The following KATNAL1 variants were observed in gnomAD, a reference collection of about 807,000 sequenced individuals.
KATNAL1 encodes katanin p60 ATPase-containing subunit A-like 1.
Under a neutral mutation model 55.2 loss-of-function variants are expected in KATNAL1, and 32 were observed. The ratio of observed to expected loss-of-function variants is 0.58; its 90% CI spans 0.44 to 0.78. The LOEUF is 0.78. KATNAL1 is among the 30% of genes least tolerant of loss of function. The pLI is 0.00. For missense variants in KATNAL1, 466 were observed against 600.9 expected, an observed-to-expected ratio of 0.78 and a Z score of 2.35; for synonymous variants, 193 against 193.6, an observed-to-expected ratio of 1.00 and a Z score of 0.02.
intron 10 of KATNAL1, 61 bp from the exon 11 acceptor site, chr13:30,208,799 T>C (rs533116058): frequency 2.7e-6 from 3 of 1,110,238 alleles, no homozygotes; most frequent in Non-Finnish European, 3.8e-6. Flanking sequence ...CACTTTCAAT[T>C]GTAACAAAGT....
At chr13:30,270,280 C>T (rs1352898548) in intron 3 of KATNAL1, among the ~76,000 whole-genome samples, 9 of 149,752 alleles carry the variant, frequency 6.0e-5, no homozygotes, top group Non-Finnish European at 9.0e-5. Flanking sequence ...CGGCCAGCCA[C>T]CCCGTCCAGG....
chr13:30,217,249 G>A lies in KATNAL1; in HGVS notation c.1148-6807C>T, dbSNP rs549692120. ...GGGAGGATCATGAGGTCAGGAGATC[G>A]AGACCATCCCGGCTAACACGGTGAA... On this transcript the variant is annotated intron_variant, in intron 9 of 10. Coordinates refer to ENST00000380615, the MANE Select transcript of KATNAL1 (RefSeq NM_032116.5). Among the ~76,000 whole-genome samples, 145 of 152,190 alleles carry A rather than the reference G, an allele frequency of 9.5e-4. 1 individual carries two copies. The highest frequency in any genetic ancestry group is 3.4e-3 in the Middle Eastern group (1 of 294).
chr13:30,208,568 T>C lies in KATNAL1; in HGVS notation c.1445A>G (p.Lys482Arg). 1 of 1,599,994 alleles carries C rather than the reference T, an allele frequency of 6.3e-7. No homozygotes were observed. Among genetic ancestry groups the C allele is most frequent in the Non-Finnish European group, 8.5e-7 (1 of 1,171,878 alleles). ...AGCAGATCCAAATTCAACCATCCATTTTTCATACTTCTCCAAGTCTGCAGC... is the reference window on the plus strand; with the variant it reads ...AGCAGATCCAAATTCAACCATCCATCTTTCATACTTCTCCAAGTCTGCAGC... The part of the protein sequence containing the change: ...VSAADLEKYE[K>R]WMVEFGSA Residue 482 changes from lysine (K) to arginine (R), a missense_variant, in exon 11 of 11, where the codon AAA (lysine) becomes AGA (arginine). Physicochemically the swap from Lys to Arg is conservative, Grantham distance 26. Transcript: ENST00000380615.
At chr13:30,215,891 A>G (rs1342523572) in intron 9 of KATNAL1, among the ~76,000 whole-genome samples, 5 of 152,160 alleles carry the variant, frequency 3.3e-5, no homozygotes, top group Non-Finnish European at 7.3e-5. Context: ...TAACCTGCCC[A>G]TTGTGCACAT....
intron 3 of KATNAL1, among the ~76,000 whole-genome samples, chr13:30,272,477 G>A (rs1422840264): frequency 6.6e-6 from 1 of 152,174 alleles, no homozygotes; most frequent in Non-Finnish European, 1.5e-5. Flanking sequence ...CAGTTTGCAA[G>A]GAAGAGGGGA....
intron 2 of KATNAL1, among the ~76,000 whole-genome samples, 198 bp from the exon 3 acceptor site, chr13:30,280,421 C>T (rs1881194019): frequency 1.3e-5 from 2 of 152,072 alleles, no homozygotes; most frequent in South Asian, 2.1e-4. Context: ...AATCATAATT[C>T]TATACCTTTT....
intron 9 of KATNAL1, among the ~76,000 whole-genome samples, chr13:30,223,882 AATGTT>A (rs1175330729): frequency 2.0e-5 from 3 of 152,246 alleles, no homozygotes; most frequent in Non-Finnish European, 4.4e-5. Context: ...ACATTTATAG[AATGTT>A]ATAACAAGCT....
At chr13:30,296,332 C>T (rs560658794) in intron 1 of KATNAL1, 444 of 1,147,496 alleles carry the variant, frequency 3.9e-4, no homozygotes, top group Non-Finnish European at 5.2e-4. Context: ...GCAGCCATGC[C>T]GAGGACTTCC....
intron 9 of KATNAL1, among the ~76,000 whole-genome samples, chr13:30,223,268 T>C (rs914079130): frequency 8.8e-5 from 13 of 148,512 alleles, no homozygotes; most frequent in South Asian, 8.5e-4. Flanking sequence ...TGAAACTCCG[T>C]CTCTACTACT....
intron 3 of KATNAL1, 43 bp downstream of exon 3, chr13:30,280,020 A>T (rs1881154787): frequency 6.5e-7 from 1 of 1,532,666 alleles, no homozygotes; most frequent in African/African-American, 1.4e-5. Context: ...TGTGAACATC[A>T]ATTAACTAGA....
At chr13:30,283,428 A>T (rs8000334) in intron 2 of KATNAL1, among the ~76,000 whole-genome samples, 188 bp downstream of exon 2, 82,359 of 151,944 alleles carry the variant, frequency 0.54, 23,909 homozygotes, top group African/African-American at 0.76. Context: ...GAAATATATG[A>T]TCAAAAAACA....
chr13:30,221,975 C>T (rs1038840082), intron 9 of KATNAL1, among the ~76,000 whole-genome samples: 8 of 152,140 alleles, frequency 5.3e-5, no homozygotes, highest in African/African-American at 1.9e-4. Flanking sequence ...CCCTTGAACC[C>T]AGGAGGCGGA....
chr13:30,208,488 T>C lies in KATNAL1; in HGVS notation c.*52A>G. 7.1e-7 allele frequency: 1 copy of C among 1,401,672 alleles called. No individual in the cohort carries two copies. Among genetic ancestry groups the C allele is most frequent in the Non-Finnish European group, 9.5e-7 (1 of 1,055,354 alleles). The allele number at this position is 1,401,672 out of a possible 1,614,324, so 86.8% of individuals were successfully genotyped here. A position where few individuals can be genotyped will look rare whatever the true frequency, so the allele number is the denominator to read the frequency against. Reference sequence around the variant, plus strand: ...CTTGTTTTTTAAAAATTGCAGGAATTTCTTCGTATTTTATCAACAAAAATA... The same window carrying C: ...CTTGTTTTTTAAAAATTGCAGGAATCTCTTCGTATTTTATCAACAAAAATA... On this transcript the variant is annotated 3_prime_UTR_variant, in exon 11 of 11. Transcript: ENST00000380615.
chr13:30,267,392 T>G (rs944730361), intron 3 of KATNAL1, among the ~76,000 whole-genome samples: 1 of 152,208 alleles, frequency 6.6e-6, no homozygotes, highest in Non-Finnish European at 1.5e-5. Flanking sequence ...TTCTACTGAT[T>G]TATAAAACCA....
At chr13:30,246,746 C>T (rs1877834301) in intron 4 of KATNAL1, among the ~76,000 whole-genome samples, 1 of 152,148 alleles carries the variant, frequency 6.6e-6, no homozygotes, top group Non-Finnish European at 1.5e-5. Flanking sequence ...TATGAACAGA[C>T]ACTTCTCAAA....
In KATNAL1 at chr13:30,205,450, C is replaced by T. The variant is rs895500500; in HGVS notation, c.*3090G>A. 6.6e-6 allele frequency: 1 copy of T among 152,238 alleles called. No individual in the cohort carries two copies. Among genetic ancestry groups the T allele is most frequent in the Admixed American group, 6.5e-5 (1 of 15,276 alleles). The allele number at this position is 152,238 out of a possible 1,614,324, so 9.4% of individuals were successfully genotyped here. ...GTCCTACAGTCATTGTGCTGCAGAA[C>T]TCAAAATACTCATGTTTTCAGAGGA... On this transcript the variant is annotated 3_prime_UTR_variant, in exon 11 of 11. Transcript: ENST00000380615.
chr13:30,212,807 T>C (rs967442359), intron 9 of KATNAL1, among the ~76,000 whole-genome samples: 2 of 152,214 alleles, frequency 1.3e-5, no homozygotes, highest in African/African-American at 2.4e-5. Context: ...ATAGATGGTA[T>C]GGGTTAAACC....
chr13:30,210,406 CGAAGGTT>C lies in KATNAL1; in HGVS notation c.1177_1183del (p.Asn393ValfsTer5). On this transcript the variant is annotated frameshift_variant, in exon 10 of 11. Coordinates refer to ENST00000380615, the MANE Select transcript of KATNAL1 (RefSeq NM_032116.5). LOFTEE classifies it high-confidence loss of function. Reference sequence around the variant, plus strand: ...AATATCAGGATCTAATTCGACCTCACGAAGGTTGATCTTCAGAAGCTCAGCTCTTCCT... The same window carrying C: ...AATATCAGGATCTAATTCGACCTCACGATCTTCAGAAGCTCAGCTCTTCCT... 1 of 1,605,540 alleles carries C rather than the reference CGAAGGTT, an allele frequency of 6.2e-7. No homozygotes were observed. Among genetic ancestry groups the C allele is most frequent in the Non-Finnish European group, 8.5e-7 (1 of 1,176,530 alleles).
chr13:30,252,502 C>T (rs1878412594), intron 4 of KATNAL1, among the ~76,000 whole-genome samples: 1 of 152,112 alleles, frequency 6.6e-6, no homozygotes, highest in Non-Finnish European at 1.5e-5. Flanking sequence ...CTGACCCAGG[C>T]ACAAAGTAAT....
Sources: gnomAD v4.1 joint callset for allele counts (sites outside exome capture counted in the v4.1 genomes callset) on GRCh38, gnomAD v4.1.1 for gene constraint, MANE v1.5 for transcripts, NCBI Gene and HGNC (gene_info 2026-07-23, HGNC 2026-07-21) for gene names.